CENPV: variants seen among roughly 807,000 people sequenced by gnomAD.
CENPV encodes the protein centromere protein V, also known as nuclear protein p30.
Under a neutral mutation model 26.4 loss-of-function variants are expected in CENPV, and 15 were observed. The observed-to-expected ratio is 0.57, with a 90% CI of 0.38 to 0.88. The LOEUF (loss-of-function observed/expected upper bound fraction) is 0.88. Among genes scored for constraint, CENPV ranks in the 40% least tolerant of loss-of-function variants. CENPV has a pLI of 0.00. For synonymous variants in CENPV, 172 were observed against 165.5 expected (o/e 1.04, Z -0.30); for missense variants, 336 against 376.5 (o/e 0.89, Z 0.89).
intron 3 of CENPV, among the ~76,000 whole-genome samples, chr17:16,345,497 G>A (rs2093202766): frequency 6.6e-6 from 1 of 151,944 alleles, no homozygotes; most frequent in Non-Finnish European, 1.5e-5. Context: ...TTGAGCCTGG[G>A]GAAGTAGAGG....
At chr17:16,345,682 GC>G (rs538863581) in intron 3 of CENPV, among the ~76,000 whole-genome samples, 145 of 152,264 alleles carry the variant, frequency 9.5e-4, no homozygotes, top group Non-Finnish European at 1.7e-3. Context: ...TCAGTCTGGA[GC>G]GTGACAGCTC....
rs2093217687 is a variant in CENPV, at chr17:16,348,696, A to T, written c.510-11T>A. 2 of 1,613,588 alleles carry T rather than the reference A, an allele frequency of 1.2e-6. No homozygotes were observed. The highest frequency in any genetic ancestry group is 1.7e-5 in the Admixed American group (1 of 59,982). On this transcript the variant is annotated splice_polypyrimidine_tract_variant and intron_variant, in intron 2 of 4. Transcript: ENST00000299736. ...TTGCAAATGCTGCAACTACAGAAAG[A>T]CAGAGCAAATTCCAGATTGTGAGCA...
chr17:16,350,298 A>T (rs951946979), intron 1 of CENPV, among the ~76,000 whole-genome samples: 3 of 152,010 alleles, frequency 2.0e-5, no homozygotes, highest in African/African-American at 4.8e-5. Context: ...AATGTGAGGG[A>T]TCCTAACCCA....
chr17:16,345,361 G>A (rs529473762), intron 3 of CENPV, among the ~76,000 whole-genome samples: 72 of 148,936 alleles, frequency 4.8e-4, no homozygotes, highest in Admixed American at 3.4e-3. Context: ...TTGAGCCCAG[G>A]AGTTCAAGAC....
At chr17:16,343,860 C>T (rs917664017) in intron 4 of CENPV, among the ~76,000 whole-genome samples, 2 of 151,100 alleles carry the variant, frequency 1.3e-5, no homozygotes, top group Non-Finnish European at 2.9e-5. Context: ...ACTGACACAA[C>T]AAGAGTCCTC....
intron 1 of CENPV, 21 bp downstream of exon 1, chr17:16,353,006 C>G: frequency 6.5e-7 from 1 of 1,541,200 alleles, no homozygotes. Flanking sequence ...GCTCCCGCGC[C>G]CCCCGGCCCG....
chr17:16,349,226 T>G (rs918921498), intron 2 of CENPV: 16 of 988,080 alleles, frequency 1.6e-5, no homozygotes, highest in Non-Finnish European at 1.9e-5. Context: ...CACAAGTTAT[T>G]CCACAGTGCT....
chr17:16,345,280 A>C (rs1369044915), intron 3 of CENPV, among the ~76,000 whole-genome samples: 5 of 144,344 alleles, frequency 3.5e-5, no homozygotes, highest in African/African-American at 2.8e-5. Context: ...AAAAAAAAAA[A>C]ACACCTTTGG....
intron 3 of CENPV, chr17:16,347,503 G>A (rs1207703806): frequency 7.0e-6 from 1 of 142,440 alleles, no homozygotes; most frequent in East Asian, 1.9e-4. Flanking sequence ...TCTTTAACCT[G>A]GAGATTTTCT....
Position 16,353,281 on chromosome 17 carries a change from C to T in CENPV, c.156G>A (p.Ala52=). ...GCTTCTCCGACGGCGGCTTCTCCAC[C>T]GCCTGGCTCTTGCTCCCGGCCTGGC... The part of the protein sequence containing the change: ...SASQAGSKSQ[A]VEKPPSEKPR... Residue 52 remains alanine (A), a synonymous_variant, in exon 1 of 5, where the codon GCG becomes GCA. Transcript: ENST00000299736. The T allele has an allele frequency of 4.2e-6, 6 of 1,420,796 alleles. No individual in the cohort carries two copies. Among genetic ancestry groups the T allele is most frequent in the Non-Finnish European group, 4.6e-6 (5 of 1,087,404 alleles). 88.0% of individuals were successfully genotyped at this position (1,420,796 alleles called of 1,614,324 possible).
chr17:16,348,146 A>C (rs2093215050), intron 3 of CENPV: 1 of 151,022 alleles, frequency 6.6e-6, no homozygotes, highest in Admixed American at 6.7e-5. Flanking sequence ...AAAATAACAC[A>C]ACCTTTTATT....
At chr17:16,343,166 C>T (rs2093189763) in intron 4 of CENPV, among the ~76,000 whole-genome samples, 1 of 152,202 alleles carries the variant, frequency 6.6e-6, no homozygotes, top group Non-Finnish European at 1.5e-5. Context: ...GACTCACTTT[C>T]CTCAACTGCC....
At chr17:16,350,642 A>G (rs2068209302) in intron 1 of CENPV, 1 of 152,004 alleles carries the variant, frequency 6.6e-6, no homozygotes, top group Admixed American at 6.6e-5. Context: ...TCCGGGCCTC[A>G]AATACTAAAT....
Position 16,342,908 on chromosome 17 carries a change from A to C in CENPV, c.728T>G (p.Val243Gly). The change falls in exon 5 of 5, where the codon GTG (valine) becomes GGG (glycine). Residue 243 changes from valine to glycine, a missense_variant. By Grantham distance (109) the Val-to-Gly change is moderately radical. Coordinates refer to ENST00000299736, the MANE Select transcript of CENPV (RefSeq NM_181716.3). The part of the protein sequence containing the change: ...IAPHCLDEGT[V>G]RSMVTEEFNG... ...GAATTCCTCAGTGACCATACTCCGC[A>C]CAGTGCCCTCATCCAGGCAGTGGGG... 6.2e-7 allele frequency: 1 copy of C among 1,614,148 alleles called. No homozygotes were observed. Among genetic ancestry groups the C allele is most frequent in the Non-Finnish European group, 8.5e-7 (1 of 1,180,016 alleles).
intron 1 of CENPV, 50 bp downstream of exon 1, chr17:16,352,977 G>A (rs1313222402): frequency 6.7e-7 from 1 of 1,493,918 alleles, no homozygotes; most frequent in South Asian, 1.3e-5. Flanking sequence ...CTCCTGCCGA[G>A]GGGGTCCGCG....
rs754483275 is a variant in CENPV at position 16,353,358 on chromosome 17, A to G, written c.79T>C (p.Ser27Pro). Reference protein sequence around the residue: ...RSGASAAPAASAAAALAPSAT... With the variant: ...RSGASAAPAAPAAAALAPSAT... The stretch of plus-strand genomic sequence containing the variant: ...CTGGGTGCCAAGGCAGCGGCCGCGG[A>G]GGCCGCGGGGGCCGCGGAGGCCCCG... Residue 27 changes from serine (S) to proline (P), a missense_variant, in exon 1 of 5, where the codon TCC becomes CCC. Coordinates refer to ENST00000299736, the MANE Select transcript of CENPV (RefSeq NM_181716.3). 93 of 1,030,764 alleles carry G rather than the reference A, an allele frequency of 9.0e-5. 1 individual carries two copies. In the Middle Eastern group the frequency reaches 1.0e-3, roughly 12 times the overall value. 63.9% of individuals were successfully genotyped at this position (1,030,764 alleles called of 1,614,324 possible). A position where few individuals can be genotyped will look rare whatever the true frequency, so the allele number is the denominator to read the frequency against.
In CENPV at chr17:16,342,557, T is replaced by C. The variant is rs1484302692; in HGVS notation, c.*260A>G. On this transcript the variant is annotated 3_prime_UTR_variant, in exon 5 of 5. Transcript: ENST00000299736. ...ACTGCTTTAATGTTAAAAATATTTA[T>C]TTTTTTTCCTAAAAGATCACACAAA... is the stretch of plus-strand genomic sequence containing the variant. The C allele has an allele frequency of 1.8e-6, 1 of 544,048 alleles. No homozygotes were observed. Among genetic ancestry groups the C allele is most frequent in the Non-Finnish European group, 3.3e-6 (1 of 306,180 alleles). 33.7% of individuals were successfully genotyped at this position (544,048 alleles called of 1,614,324 possible).
Position 16,353,350 on chromosome 17 carries a change from G to A in CENPV, c.87C>T (p.Ala29=). ...GGGTGGCGCTGGGTGCCAAGGCAGC[G>A]GCCGCGGAGGCCGCGGGGGCCGCGG... is the stretch of plus-strand genomic sequence containing the variant. The part of the protein sequence containing the change: ...GASAAPAASA[A]AALAPSATRT... The change falls in exon 1 of 5, where the codon GCC becomes GCT. Residue 29 remains alanine (A), a synonymous_variant. Transcript: ENST00000299736. The A allele has an allele frequency of 7.9e-7, 1 of 1,270,664 alleles. No homozygotes were observed. The highest frequency in any genetic ancestry group is 4.0e-5 in the Admixed American group (1 of 25,228). 78.7% of individuals were successfully genotyped at this position (1,270,664 alleles called of 1,614,324 possible).
At chr17:16,350,766 T>C (rs1188958397) in intron 1 of CENPV, 1 of 152,190 alleles carries the variant, frequency 6.6e-6, no homozygotes, top group African/African-American at 2.4e-5. Context: ...ATGATTGTGA[T>C]AAAGGAGGTA....
Sources: gnomAD v4.1 joint callset for allele counts (sites outside exome capture counted in the v4.1 genomes callset) on GRCh38, gnomAD v4.1.1 for gene constraint, MANE v1.5 for transcripts, NCBI Gene and HGNC (gene_info 2026-07-23, HGNC 2026-07-21) for gene names.